CFAP61: variants seen among roughly 807,000 people sequenced by gnomAD.
The protein encoded by CFAP61 is cilia- and flagella-associated protein 61.
In CFAP61, 107 loss-of-function variants were observed where a neutral mutation model predicts 135.6. That is an observed-to-expected ratio of 0.79 (90% confidence interval 0.67 to 0.93). The LOEUF is 0.93. Ranked by LOEUF, CFAP61 falls within the 40% of genes least tolerant of loss-of-function variation. CFAP61 has a pLI of 0.00. For synonymous variants in CFAP61, 575 were observed against 578.5 expected (o/e 0.99, Z 0.09); for missense variants, 1,507 against 1,556.2 (o/e 0.97, Z 0.53).
chr20:20,114,891 A>G (rs1335655793), intron 8 of CFAP61, among the ~76,000 whole-genome samples: 1 of 152,146 alleles, frequency 6.6e-6, no homozygotes, highest in Non-Finnish European at 1.5e-5. Flanking sequence ...AAGTGTCTGT[A>G]TTTCTGATTT....
intron 14 of CFAP61, among the ~76,000 whole-genome samples, chr20:20,188,531 G>C (rs968780081): frequency 6.6e-6 from 1 of 152,080 alleles, no homozygotes; most frequent in African/African-American, 2.4e-5. Context: ...CATCCCCCAG[G>C]ATTACATGGG....
intron 25 of CFAP61, among the ~76,000 whole-genome samples, chr20:20,307,002 T>A (rs1006751691): frequency 2.6e-5 from 4 of 152,126 alleles, no homozygotes; most frequent in Non-Finnish European, 4.4e-5. Context: ...TTCACCAAGC[T>A]TTACAAAAAC....
chr20:20,318,156 A>G (rs2057246257), intron 25 of CFAP61, among the ~76,000 whole-genome samples: 2 of 152,112 alleles, frequency 1.3e-5, no homozygotes, highest in Admixed American at 6.5e-5. Flanking sequence ...GGTGCCTCCA[A>G]GGCTGCTGGA....
chr20:20,357,178 G>A (rs2059238071), intron 26 of CFAP61, among the ~76,000 whole-genome samples: 2 of 105,642 alleles, frequency 1.9e-5, no homozygotes, highest in Non-Finnish European at 2.3e-5. Flanking sequence ...CACACTGAGG[G>A]GAGGTGGTCA....
At chr20:20,136,401 C>G (rs1418522501) in intron 8 of CFAP61, among the ~76,000 whole-genome samples, 1 of 152,096 alleles carries the variant, frequency 6.6e-6, no homozygotes, top group Non-Finnish European at 1.5e-5. Context: ...TTTCTAGACC[C>G]TGTAAGCATG....
chr20:20,285,022 T>A (rs748583044), intron 22 of CFAP61, among the ~76,000 whole-genome samples: 4 of 152,238 alleles, frequency 2.6e-5, no homozygotes, highest in Non-Finnish European at 5.9e-5. Flanking sequence ...AAAATATATG[T>A]TGCTTTCATT....
At chr20:20,233,766 T>G (rs1475947146) in intron 18 of CFAP61, among the ~76,000 whole-genome samples, 5 of 152,214 alleles carry the variant, frequency 3.3e-5, no homozygotes, top group Non-Finnish European at 7.3e-5. Context: ...TTACTGAAAT[T>G]ATTCACCCCT....
At chr20:20,338,181 C>A (rs1350615549) in intron 25 of CFAP61, among the ~76,000 whole-genome samples, 9 of 152,222 alleles carry the variant, frequency 5.9e-5, no homozygotes, top group African/African-American at 2.2e-4. Flanking sequence ...AAGATTGACA[C>A]TCATGGCTGA....
chr20:20,239,461 C>G (rs2049853711), intron 18 of CFAP61, among the ~76,000 whole-genome samples: 1 of 152,090 alleles, frequency 6.6e-6, no homozygotes, highest in East Asian at 1.9e-4. Flanking sequence ...GCCAGAAGGA[C>G]CTTTATGCCA....
At chr20:20,060,079 A>G (rs919503275) in intron 2 of CFAP61, among the ~76,000 whole-genome samples, 45 of 9,432 alleles carry the variant, frequency 4.8e-3, no homozygotes, top group African/African-American at 0.021. Flanking sequence ...CAGAGGGGGA[A>G]AAAAAAAAAA....
chr20:20,298,676 T>A (rs2055829674), intron 25 of CFAP61, among the ~76,000 whole-genome samples: 1 of 152,184 alleles, frequency 6.6e-6, no homozygotes, highest in African/African-American at 2.4e-5. Flanking sequence ...TCAAGTCCCT[T>A]TCCACACGGG....
At chr20:20,296,326 C>CCTTCCTTCCTTCCCTCCTT (rs1569260658) in intron 24 of CFAP61, among the ~76,000 whole-genome samples, 6 of 34,626 alleles carry the variant, frequency 1.7e-4, no homozygotes, top group African/African-American at 6.7e-4. Flanking sequence ...CTCCTTCCTT[C>CCTTCCTTCCTTCCCTCCTT]CCTTCCTTCC....
intron 8 of CFAP61, among the ~76,000 whole-genome samples, chr20:20,131,846 T>C (rs2146721895): frequency 6.6e-6 from 1 of 152,200 alleles, no homozygotes; most frequent in East Asian, 1.9e-4. Flanking sequence ...TATCAATATG[T>C]TTGAAATTTC....
At chr20:20,307,732 T>G (rs1462682014) in intron 25 of CFAP61, among the ~76,000 whole-genome samples, 1 of 152,168 alleles carries the variant, frequency 6.6e-6, no homozygotes, top group Non-Finnish European at 1.5e-5. Flanking sequence ...AGAAAAAAAT[T>G]TATTTAGAGA....
intron 26 of CFAP61, among the ~76,000 whole-genome samples, chr20:20,352,651 T>C (rs1230389180): frequency 6.6e-6 from 1 of 152,130 alleles, no homozygotes; most frequent in East Asian, 1.9e-4. Context: ...AAGAATGAAA[T>C]TGGACTCTTC....
chr20:20,271,926 G>A (rs2053389540), intron 21 of CFAP61, among the ~76,000 whole-genome samples: 1 of 152,090 alleles, frequency 6.6e-6, no homozygotes. Context: ...GAAATCATCA[G>A]TTTTTCCACT....
chr20:20,322,840 A>G (rs1470294799), intron 25 of CFAP61: 2 of 985,284 alleles, frequency 2.0e-6, no homozygotes, highest in East Asian at 2.3e-4. Flanking sequence ...GAAGACATTC[A>G]TCTTGCATTA....
intron 15 of CFAP61, among the ~76,000 whole-genome samples, chr20:20,194,842 A>C (rs2056174900): frequency 6.6e-6 from 1 of 152,162 alleles, no homozygotes; most frequent in South Asian, 2.1e-4. Context: ...AAACTGCCTT[A>C]CTTTTTTGTC....
intron 25 of CFAP61, among the ~76,000 whole-genome samples, chr20:20,317,248 G>A (rs149367735): frequency 1.0e-3 from 152 of 152,096 alleles, no homozygotes; most frequent in African/African-American, 3.5e-3. Context: ...TTATTCCCTG[G>A]GGTGTCTTTG....
Sources: gnomAD v4.1 joint callset for allele counts (sites outside exome capture counted in the v4.1 genomes callset) on GRCh38, gnomAD v4.1.1 for gene constraint, MANE v1.5 for transcripts, NCBI Gene and HGNC (gene_info 2026-07-23, HGNC 2026-07-21) for gene names.